The following ARHGAP20 variants were observed in gnomAD, a reference collection of about 807,000 sequenced individuals.
The protein encoded by ARHGAP20 is rho GTPase-activating protein 20.
In ARHGAP20, 34 loss-of-function variants were observed where a neutral mutation model predicts 73.7. The observed-to-expected ratio is 0.46, with a 90% CI of 0.35 to 0.61. ARHGAP20 has a LOEUF of 0.61. ARHGAP20 is among the 20% of genes least tolerant of loss of function. The pLI, the probability that ARHGAP20 is intolerant of heterozygous loss-of-function variation, is 0.00. For synonymous variants in ARHGAP20, 523 were observed against 518.2 expected (o/e 1.01, Z -0.13); for missense variants, 1,314 against 1,420.9 (o/e 0.92, Z 1.21).
At chr11:110,668,666 AAAAGAAAAG>A (rs200083907) in intron 2 of ARHGAP20, among the ~76,000 whole-genome samples, 4,039 of 152,236 alleles carry the variant, frequency 0.027, 187 homozygotes, top group African/African-American at 0.093. Context: ...ATAAAAAGAA[AAAAGAAAAG>A]AAAGAAAATA....
chr11:110,614,666 C>G, intron 5 of ARHGAP20, 21 bp from the exon 6 acceptor site: 2 of 1,504,358 alleles, frequency 1.3e-6, no homozygotes, highest in Non-Finnish European at 1.8e-6. Flanking sequence ...GCAACAGCAA[C>G]CCAAAACAAC....
At position 110,668,008 on chromosome 11, in the gene ARHGAP20, G is replaced by A. The variant is rs571192997; in HGVS notation, c.188+22539C>T. Among the ~76,000 whole-genome samples, 21 of 152,318 alleles carry A rather than the reference G, an allele frequency of 1.4e-4. 2 individuals are homozygous for A. In the South Asian group the frequency reaches 4.3e-3, roughly 32 times the overall value. ...GACAACAAAGGACTTAGACTTAATT[G>A]ATAAAGCAGTAGCAGAATTCCATAA... On this transcript the variant is annotated intron_variant, in intron 2 of 14. Coordinates refer to ENST00000683387, the MANE Select transcript of ARHGAP20 (RefSeq NM_001384657.1).
chr11:110,691,475 C>A (rs1950241320), intron 1 of ARHGAP20, among the ~76,000 whole-genome samples: 1 of 152,132 alleles, frequency 6.6e-6, no homozygotes, highest in African/African-American at 2.4e-5. Context: ...CCTGTATCCT[C>A]GCCAAAGGTG....
chr11:110,649,583 G>A (rs1369045009), intron 2 of ARHGAP20, among the ~76,000 whole-genome samples: 1 of 152,094 alleles, frequency 6.6e-6, no homozygotes. Flanking sequence ...CTGGGAAGAA[G>A]TGGGGTGGGC....
intron 4 of ARHGAP20, among the ~76,000 whole-genome samples, 187 bp downstream of exon 4, chr11:110,623,975 G>T (rs996671954): frequency 2.0e-5 from 3 of 152,158 alleles, no homozygotes; most frequent in African/African-American, 7.2e-5. Context: ...AGAAATACAT[G>T]GCATACAAGT....
At chr11:110,584,754 G>T (rs1565421116) in intron 12 of ARHGAP20, among the ~76,000 whole-genome samples, 1 of 151,920 alleles carries the variant, frequency 6.6e-6, no homozygotes, top group African/African-American at 2.4e-5. Context: ...AATTCTGGTG[G>T]AGAGAACTGA....
chr11:110,608,895 G>T, intron 8 of ARHGAP20, 89 bp downstream of exon 8: 2 of 1,095,910 alleles, frequency 1.8e-6, no homozygotes, highest in Non-Finnish European at 2.7e-6. Flanking sequence ...TAGTATTTAA[G>T]CTTAGGACCA....
chr11:110,697,179 A>C (rs1950352332), intron 1 of ARHGAP20, among the ~76,000 whole-genome samples: 1 of 151,782 alleles, frequency 6.6e-6, no homozygotes, highest in Non-Finnish European at 1.5e-5. Context: ...TGTTTACCAT[A>C]GATATTGAAC....
intron 2 of ARHGAP20, among the ~76,000 whole-genome samples, chr11:110,636,082 A>G (rs556615845): frequency 2.0e-5 from 3 of 152,216 alleles, no homozygotes; most frequent in East Asian, 1.9e-4. Context: ...TGATTATAAG[A>G]AGAAGCCATC....
chr11:110,584,176 G>T (rs1470973314), intron 12 of ARHGAP20, among the ~76,000 whole-genome samples: 1 of 152,184 alleles, frequency 6.6e-6, no homozygotes, highest in Non-Finnish European at 1.5e-5. Context: ...CTCTTGGTAA[G>T]AACCCAAACC....
intron 2 of ARHGAP20, among the ~76,000 whole-genome samples, chr11:110,647,097 G>A (rs554705009): frequency 6.6e-6 from 1 of 152,108 alleles, no homozygotes; most frequent in Admixed American, 6.6e-5. Flanking sequence ...TTAGTAAGAA[G>A]CAGTTTTATT....
At chr11:110,586,502 T>G (rs1947670647) in intron 11 of ARHGAP20, among the ~76,000 whole-genome samples, 177 bp from the exon 12 acceptor site, 1 of 152,206 alleles carries the variant, frequency 6.6e-6, no homozygotes, top group African/African-American at 2.4e-5. Context: ...TACTTTGATT[T>G]TCTTATAGCA....
intron 2 of ARHGAP20, among the ~76,000 whole-genome samples, chr11:110,647,342 A>C (rs1453132385): frequency 6.6e-6 from 1 of 152,136 alleles, no homozygotes; most frequent in Non-Finnish European, 1.5e-5. Flanking sequence ...CCCTGGGGAC[A>C]CCAACCTTTT....
chr11:110,655,790 C>T (rs1393589263), intron 2 of ARHGAP20, among the ~76,000 whole-genome samples: 3 of 152,022 alleles, frequency 2.0e-5, no homozygotes, highest in Non-Finnish European at 4.4e-5. Flanking sequence ...AGAACAAGTC[C>T]TATTTTATAA....
At chr11:110,683,376 A>C (rs1950072738) in intron 2 of ARHGAP20, among the ~76,000 whole-genome samples, 1 of 152,194 alleles carries the variant, frequency 6.6e-6, no homozygotes, top group Non-Finnish European at 1.5e-5. Flanking sequence ...TTCCCTATCA[A>C]GACTTTCACA....
intron 4 of ARHGAP20, among the ~76,000 whole-genome samples, chr11:110,618,658 CATATATGCAGTGATAGA>C (rs1565441314): frequency 6.5e-5 from 9 of 137,778 alleles, no homozygotes; most frequent in South Asian, 2.5e-4. Flanking sequence ...GCAGTGATAG[CATATATGCAGTGATAGA>C]GTATATGCAG....
chr11:110,581,017 A>C lies in ARHGAP20; in HGVS notation c.1929T>G (p.His643Gln). 1.2e-6 allele frequency: 2 copies of C among 1,614,172 alleles called. No homozygotes were observed. The highest frequency in any genetic ancestry group is 1.7e-6 in the Non-Finnish European group (2 of 1,180,036). ...TCATTTGAACATCTTCATCTTTAGA[A>C]TGGGCCAAGTCAAAGTCGCTTAGGG... ...LLTLSDFDLA[H>Q]SKDEDVQMKR... Residue 643 changes from histidine to glutamine, a missense_variant, in exon 15 of 15, where the codon CAT becomes CAG. By Grantham distance (24) the His-to-Gln change is conservative. Around this residue, in one of 3 missense-constraint regions of ARHGAP20, gnomAD observed 230 missense variants for 317.6 expected, o/e 0.72. Coordinates refer to ENST00000683387, the MANE Select transcript of ARHGAP20 (RefSeq NM_001384657.1).
intron 2 of ARHGAP20, among the ~76,000 whole-genome samples, chr11:110,653,223 G>T (rs1949394446): frequency 6.6e-6 from 1 of 152,074 alleles, no homozygotes; most frequent in Non-Finnish European, 1.5e-5. Flanking sequence ...TTGATAAGTG[G>T]GGTCTAATTA....
At chr11:110,643,264 G>T (rs919080118) in intron 2 of ARHGAP20, among the ~76,000 whole-genome samples, 1 of 151,760 alleles carries the variant, frequency 6.6e-6, no homozygotes, top group Admixed American at 6.6e-5. Flanking sequence ...TTTATGTCTC[G>T]ATTTCATCCA....
Sources: gnomAD v4.1 joint callset for allele counts (sites outside exome capture counted in the v4.1 genomes callset) on GRCh38, gnomAD v4.1.1 for gene constraint, gnomAD v4.1.1 regional missense constraint, MANE v1.5 for transcripts, NCBI Gene and HGNC (gene_info 2026-07-23, HGNC 2026-07-21) for gene names.